The following RCSD1 variants were observed in gnomAD, a reference collection of about 807,000 sequenced individuals.
RCSD1 encodes the protein capZ-interacting protein.
In RCSD1, 26 loss-of-function variants were observed where a neutral mutation model predicts 42.5. The ratio of observed to expected loss-of-function variants is 0.61; its 90% confidence interval spans 0.45 to 0.85. The LOEUF (loss-of-function observed/expected upper bound fraction) is 0.85, where lower values mean the gene tolerates loss of function less well. RCSD1 is among the 40% of genes least tolerant of loss of function. The pLI is 0.00. For missense variants in RCSD1, 571 were observed against 528.3 expected (o/e 1.08, Z -0.79); for synonymous variants, 220 against 212.2 (o/e 1.04, Z -0.32).
chr1:167,682,422 C>G (rs1260200974), intron 1 of RCSD1, among the ~76,000 whole-genome samples: 1 of 152,162 alleles, frequency 6.6e-6, no homozygotes. Context: ...ACTGCCTCGG[C>G]CTCCCAAAGT....
chr1:167,664,297 C>G (rs1658603078), intron 1 of RCSD1: 1 of 152,270 alleles, frequency 6.6e-6, no homozygotes, highest in South Asian at 2.1e-4. Context: ...CTACTCCCAG[C>G]AGCTACCAGA....
intron 6 of RCSD1, among the ~76,000 whole-genome samples, chr1:167,699,747 C>A (rs1659594572): frequency 1.3e-5 from 2 of 152,178 alleles, no homozygotes. Flanking sequence ...TCCAGCCATG[C>A]TGAGGTCTTT....
chr1:167,666,204 A>T (rs979831361), intron 1 of RCSD1, among the ~76,000 whole-genome samples: 3 of 152,160 alleles, frequency 2.0e-5, no homozygotes, highest in African/African-American at 4.8e-5. Context: ...AGGCTTTAAT[A>T]AACCAACTGA....
intron 1 of RCSD1, among the ~76,000 whole-genome samples, chr1:167,634,082 A>C (rs1409702556): frequency 2.0e-5 from 3 of 152,186 alleles, no homozygotes; most frequent in Non-Finnish European, 4.4e-5. Flanking sequence ...TCTCAATAAA[A>C]GTTTGCTTGA....
chr1:167,633,534 T>A (rs1411530997), intron 1 of RCSD1: 1 of 152,172 alleles, frequency 6.6e-6, no homozygotes. Context: ...CCCAGCTAAG[T>A]GGGTGAGTGG....
chr1:167,697,332 G>T lies in RCSD1; in HGVS notation c.708G>T (p.Lys236Asn). The change falls in exon 6 of 7, where the codon AAG becomes AAT. Residue 236 changes from lysine to asparagine, a missense_variant. Physicochemically the swap from Lys to Asn is moderately conservative, Grantham distance 94. Coordinates refer to ENST00000367854, the MANE Select transcript of RCSD1 (RefSeq NM_052862.4). ...EGVRTLGPAEKPPLRRSPSRT... is the reference protein window; with the variant it reads ...EGVRTLGPAENPPLRRSPSRT... ...TGAGAACCCTGGGACCTGCTGAAAA[G>T]CCTCCTCTGAGGAGGTCACCCAGCA... The T allele has an allele frequency of 1.2e-6, 2 of 1,614,074 alleles. No individual in the cohort carries two copies. The highest frequency in any genetic ancestry group is 1.7e-6 in the Non-Finnish European group (2 of 1,180,000).
chr1:167,697,735 C>A lies in RCSD1; in HGVS notation c.1111C>A (p.Gln371Lys). ...CAAGCAGGAAAAAGGCAAGGAAAAA[C>A]AACAGGAGGGGGCAGTGCTCGAGCC... ...VPKQEKGKEK[Q>K]QEGAVLEPGC... Residue 371 changes from glutamine (Q) to lysine (K), a missense_variant, in exon 6 of 7, where the codon CAA becomes AAA. Physicochemically the swap from Gln to Lys is moderately conservative, Grantham distance 53 (BLOSUM62 1). Coordinates refer to ENST00000367854, the MANE Select transcript of RCSD1 (RefSeq NM_052862.4). The A allele has an allele frequency of 6.3e-7, 1 of 1,577,624 alleles. No individual in the cohort carries two copies. Among genetic ancestry groups the A allele is most frequent in the Non-Finnish European group, 8.6e-7 (1 of 1,163,470 alleles).
chr1:167,674,117 C>T (rs1314017453), intron 1 of RCSD1, among the ~76,000 whole-genome samples: 3 of 152,206 alleles, frequency 2.0e-5, no homozygotes, highest in African/African-American at 7.2e-5. Context: ...GTGTCAGGCC[C>T]ATAAGGTGTT....
At chr1:167,691,023 G>C (rs536698207) in intron 4 of RCSD1, among the ~76,000 whole-genome samples, 1 of 152,144 alleles carries the variant, frequency 6.6e-6, no homozygotes, top group African/African-American at 2.4e-5. Context: ...AATAAAAGGA[G>C]CTGATGCCAG....
intron 1 of RCSD1, among the ~76,000 whole-genome samples, chr1:167,662,149 A>G (rs575995303): frequency 9.2e-5 from 14 of 152,352 alleles, no homozygotes; most frequent in African/African-American, 3.1e-4. Flanking sequence ...TTCCTGCTTC[A>G]GAACCATGAG....
At position 167,705,533 on chromosome 1, in the gene RCSD1, G is replaced by C. The variant is rs972477121; in HGVS notation, c.*837G>C. ...TCCTGAAAGAAAAGCAGTGATACCTGAATAATGCTGGCTCTCCGATTGATC... is the reference window on the plus strand; with the variant it reads ...TCCTGAAAGAAAAGCAGTGATACCTCAATAATGCTGGCTCTCCGATTGATC... On this transcript the variant is annotated 3_prime_UTR_variant, in exon 7 of 7. Coordinates refer to ENST00000367854, the MANE Select transcript of RCSD1 (RefSeq NM_052862.4). The C allele has an allele frequency of 4.6e-5, 7 of 152,218 alleles. No individual in the cohort carries two copies. In the East Asian group the frequency reaches 1.3e-3, roughly 29 times the overall value. 9.4% of individuals were successfully genotyped at this position (152,218 alleles called of 1,614,324 possible). A position where few individuals can be genotyped will look rare whatever the true frequency, so the allele number is the denominator to read the frequency against.
Position 167,698,226 on chromosome 1 carries a change from G to T in RCSD1, c.1218+384G>T, listed in dbSNP as rs535438150. ...ATCCAGAGATGAAAAAGAAAGGGGA[G>T]CTCCTTTCTAAAAATCATCTCAGTT... On this transcript the variant is annotated intron_variant, in intron 6 of 6. Coordinates refer to ENST00000367854, the MANE Select transcript of RCSD1 (RefSeq NM_052862.4). 3.3e-3 allele frequency among the ~76,000 whole-genome samples: 501 copies of T among 152,290 alleles called. 3 individuals are homozygous for T. Among genetic ancestry groups the T allele is most frequent in the African/African-American group, 0.011 (469 of 41,558 alleles).
intron 5 of RCSD1, 80 bp from the exon 6 acceptor site, chr1:167,697,019 G>T: frequency 7.5e-7 from 1 of 1,325,680 alleles, no homozygotes; most frequent in East Asian, 2.3e-5. Flanking sequence ...GCACCAGACT[G>T]ACATTGAAAG....
At chr1:167,683,258 A>G (rs918292255) in intron 1 of RCSD1, among the ~76,000 whole-genome samples, 2 of 152,184 alleles carry the variant, frequency 1.3e-5, no homozygotes, top group African/African-American at 4.8e-5. Context: ...CATTTAATCC[A>G]CAAAACAACT....
At chr1:167,646,115 G>T (rs1054825364) in intron 1 of RCSD1, among the ~76,000 whole-genome samples, 2 of 152,222 alleles carry the variant, frequency 1.3e-5, no homozygotes, top group African/African-American at 4.8e-5. Context: ...TAGAGAGAAA[G>T]TGATCAGAAT....
chr1:167,674,851 C>T (rs1281468821), intron 1 of RCSD1, among the ~76,000 whole-genome samples: 3 of 152,158 alleles, frequency 2.0e-5, no homozygotes, highest in Non-Finnish European at 2.9e-5. Context: ...GGCTGTGTCA[C>T]ATTTTGTTTC....
chr1:167,660,726 G>C (rs927655117), intron 1 of RCSD1, among the ~76,000 whole-genome samples: 1 of 152,046 alleles, frequency 6.6e-6, no homozygotes, highest in Non-Finnish European at 1.5e-5. Context: ...CTTCTGACTT[G>C]GCCTCCCAAA....
At chr1:167,668,801 A>G (rs979997803) in intron 1 of RCSD1, among the ~76,000 whole-genome samples, 3 of 151,072 alleles carry the variant, frequency 2.0e-5, no homozygotes, top group Admixed American at 6.6e-5. Flanking sequence ...CATGGTGGGG[A>G]AGGGGAGCTT....
At chr1:167,678,392 C>A (rs988047240) in intron 1 of RCSD1, among the ~76,000 whole-genome samples, 1 of 151,668 alleles carries the variant, frequency 6.6e-6, no homozygotes. Flanking sequence ...CCCCACCCAC[C>A]CCTCTCTCCC....
Sources: gnomAD v4.1 joint callset for allele counts (sites outside exome capture counted in the v4.1 genomes callset) on GRCh38, gnomAD v4.1.1 for gene constraint, MANE v1.5 for transcripts, NCBI Gene and HGNC (gene_info 2026-07-23, HGNC 2026-07-21) for gene names.